The following CFAP299 variants were observed in gnomAD, a reference collection of about 807,000 sequenced individuals.
CFAP299 encodes cilia- and flagella-associated protein 299.
In CFAP299, 21 loss-of-function variants were observed where a neutral mutation model predicts 27.0. The observed-to-expected ratio is 0.78, with a 90% CI of 0.55 to 1.12. The LOEUF is 1.12. Among genes scored for constraint, CFAP299 ranks in the 50% most tolerant of loss-of-function variants. The pLI is 0.00. For missense variants in CFAP299, 310 were observed against 276.6 expected, an observed-to-expected ratio of 1.12 and a Z score of -0.86; for synonymous variants, 104 against 98.1, an observed-to-expected ratio of 1.06 and a Z score of -0.36.
chr4:80,936,856 A>T (rs956112627), intron 4 of CFAP299, among the ~76,000 whole-genome samples: 5 of 152,202 alleles, frequency 3.3e-5, no homozygotes, highest in Non-Finnish European at 7.4e-5. Context: ...ATGACCTAAG[A>T]TATGATCTAT....
intron 3 of CFAP299, among the ~76,000 whole-genome samples, chr4:80,826,931 G>A (rs1226934747): frequency 2.6e-5 from 4 of 151,778 alleles, no homozygotes; most frequent in Non-Finnish European, 4.4e-5. Context: ...CAACTCTGTG[G>A]AAATGAAACA....
chr4:80,945,217 G>A (rs1234918096), intron 5 of CFAP299, among the ~76,000 whole-genome samples: 1 of 152,222 alleles, frequency 6.6e-6, no homozygotes, highest in Non-Finnish European at 1.5e-5. Context: ...CAGGGAGCCA[G>A]TAGGCCACGC....
intron 3 of CFAP299, among the ~76,000 whole-genome samples, chr4:80,665,095 C>T (rs1741081583): frequency 6.6e-6 from 1 of 152,144 alleles, no homozygotes; most frequent in Non-Finnish European, 1.5e-5. Flanking sequence ...GAGCTGGGTA[C>T]CTCAGTTAGA....
chr4:80,939,372 C>G (rs1177326907), intron 4 of CFAP299, among the ~76,000 whole-genome samples: 1 of 151,976 alleles, frequency 6.6e-6, no homozygotes, highest in African/African-American at 2.4e-5. Flanking sequence ...CATTCTTTGT[C>G]TTTTTAGTCC....
intron 3 of CFAP299, among the ~76,000 whole-genome samples, chr4:80,830,505 G>A (rs926986997): frequency 6.6e-6 from 1 of 152,028 alleles, no homozygotes; most frequent in African/African-American, 2.4e-5. Flanking sequence ...TGAATGGCTG[G>A]AGCTTAAAGT....
intron 3 of CFAP299, among the ~76,000 whole-genome samples, chr4:80,728,141 T>A (rs1356967779): frequency 6.6e-6 from 1 of 152,112 alleles, no homozygotes. Flanking sequence ...AGTATTTCCA[T>A]TGTCAAAGCT....
intron 3 of CFAP299, among the ~76,000 whole-genome samples, chr4:80,720,443 G>A (rs1305357171): frequency 6.6e-6 from 1 of 152,020 alleles, no homozygotes. Context: ...TTAAAAGTAA[G>A]ACCTGAATGG....
At chr4:80,632,999 A>C (rs1186254176) in intron 3 of CFAP299, among the ~76,000 whole-genome samples, 1 of 152,222 alleles carries the variant, frequency 6.6e-6, no homozygotes, top group African/African-American at 2.4e-5. Context: ...ATTAAGACAC[A>C]AAATCTCACT....
chr4:80,959,098 T>C (rs1738208723), intron 5 of CFAP299, among the ~76,000 whole-genome samples: 1 of 152,012 alleles, frequency 6.6e-6, no homozygotes, highest in Non-Finnish European at 1.5e-5. Flanking sequence ...TGCAAAACAA[T>C]GATAATAAAG....
intron 2 of CFAP299, among the ~76,000 whole-genome samples, chr4:80,569,987 C>T (rs182612434): frequency 6.6e-6 from 1 of 151,492 alleles, no homozygotes; most frequent in Non-Finnish European, 1.5e-5. Flanking sequence ...AAATCAAAGA[C>T]ATTTTGAAAA....
rs1578245707 is a variant in CFAP299 at position 80,929,022 on chromosome 4, C to T, written c.477-15788C>T. ...CACAGTGCACTATTTTTCTAATTCC[C>T]ATCAAATCAGTAGAACAAAAGGTCA... On this transcript the variant is annotated intron_variant, in intron 4 of 5. Transcript: ENST00000358105. Among the ~76,000 whole-genome samples the T allele has an allele frequency of 2.0e-5, 3 of 152,208 alleles. No individual in the cohort carries two copies. The South Asian group carries it at 6.2e-4, about 32-fold the overall frequency.
intron 4 of CFAP299, chr4:80,871,710 A>C (rs1733106808): frequency 1.1e-6 from 1 of 872,480 alleles, no homozygotes; most frequent in Non-Finnish European, 1.4e-6. Context: ...AGCAAATTTA[A>C]GATATCTCAT....
intron 4 of CFAP299, among the ~76,000 whole-genome samples, chr4:80,928,024 A>G (rs540615335): frequency 6.6e-6 from 1 of 152,264 alleles, no homozygotes; most frequent in African/African-American, 2.4e-5. Flanking sequence ...CTGTCCACTT[A>G]AGAAAGTTAC....
intron 2 of CFAP299, among the ~76,000 whole-genome samples, chr4:80,580,809 G>A (rs544821666): frequency 6.6e-6 from 1 of 152,028 alleles, no homozygotes; most frequent in East Asian, 1.9e-4. Context: ...ACTTGCTTTG[G>A]CTGAGAAAAT....
chr4:80,325,278 G>A, the CFAP299 span, among the ~76,000 whole-genome samples: 10 of 152,168 alleles, frequency 6.6e-5, no homozygotes, highest in African/African-American at 1.4e-4. Flanking sequence ...AACACAGTAG[G>A]TAGCTGGAAT....
chr4:80,532,457 C>T (rs1733526529), intron 2 of CFAP299, among the ~76,000 whole-genome samples: 1 of 152,302 alleles, frequency 6.6e-6, no homozygotes, highest in African/African-American at 2.4e-5. Flanking sequence ...CCACAAGTAT[C>T]TTGCCTTGTT....
chr4:80,547,155 G>A (rs1231420569), intron 2 of CFAP299, among the ~76,000 whole-genome samples: 2 of 152,034 alleles, frequency 1.3e-5, no homozygotes, highest in Non-Finnish European at 2.9e-5. Flanking sequence ...AACCAAAATA[G>A]CATGGTACTC....
chr4:80,387,859 G>A, intron 2 of CFAP299: 1 of 1,271,772 alleles, frequency 7.9e-7, no homozygotes, highest in Non-Finnish European at 1.1e-6. Flanking sequence ...AGCCCGTGGG[G>A]TCTTCAGCAT....
At chr4:80,718,741 A>T (rs946217398) in intron 3 of CFAP299, among the ~76,000 whole-genome samples, 6 of 152,098 alleles carry the variant, frequency 3.9e-5, no homozygotes, top group African/African-American at 1.2e-4. Context: ...TTAAAAATTT[A>T]AAAAAATCGT....
Sources: gnomAD v4.1 joint callset for allele counts (sites outside exome capture counted in the v4.1 genomes callset) on GRCh38, gnomAD v4.1.1 for gene constraint, MANE v1.5 for transcripts, NCBI Gene and HGNC (gene_info 2026-07-23, HGNC 2026-07-21) for gene names.